The following RPN1 variants were observed in gnomAD, a reference collection of about 807,000 sequenced individuals.
The protein encoded by RPN1 is ribophorin I, also known as dolichyl-diphosphooligosaccharide--protein glycosyltransferase subunit 1.
Under a neutral mutation model 55.5 loss-of-function variants are expected in RPN1, and 12 were observed. The observed-to-expected ratio is 0.22, with a 90% CI of 0.14 to 0.35. The LOEUF is 0.35. Ranked by LOEUF, RPN1 falls within the 10% of genes least tolerant of loss-of-function variation. The pLI is 1.00. For synonymous variants in RPN1, 317 were observed against 305.9 expected, an observed-to-expected ratio of 1.04 and a Z score of -0.38; for missense variants, 679 against 761.3, an observed-to-expected ratio of 0.89 and a Z score of 1.27.
rs760997520 is a variant in RPN1, at chr3:128,632,098, G to A, written c.693C>T (p.Thr231=). Residue 231 remains threonine (T), a synonymous_variant, in exon 4 of 10, where the codon ACC becomes ACT. Coordinates refer to ENST00000296255, the MANE Select transcript of RPN1 (RefSeq NM_002950.4). ...CCCAGTGAGAGACTTCAATGACTCG[G>A]GTCATGCTGGTGATGGTCAGGAAAG... ...NSPFLTITSM[T]RVIEVSHWGN... is the part of the protein sequence containing the mutation. The A allele has an allele frequency of 6.2e-6, 10 of 1,614,148 alleles. No individual in the cohort carries two copies. In the South Asian group the frequency reaches 8.8e-5, roughly 14 times the overall value.
At chr3:128,629,930 C>G (rs773793936) in intron 5 of RPN1, 21 bp downstream of exon 5, 1 of 1,391,876 alleles carries the variant, frequency 7.2e-7, no homozygotes, top group East Asian at 2.3e-5. Flanking sequence ...GTTAGTTTCT[C>G]CCTTACTATT....
At chr3:128,647,552 C>A (rs557721172) in intron 1 of RPN1, among the ~76,000 whole-genome samples, 3 of 151,976 alleles carry the variant, frequency 2.0e-5, no homozygotes, top group African/African-American at 7.2e-5. Flanking sequence ...ATTAGCCAGG[C>A]GTAGTGGTGC....
At chr3:128,636,865 G>T (rs909297016) in intron 3 of RPN1, among the ~76,000 whole-genome samples, 16 of 152,146 alleles carry the variant, frequency 1.1e-4, no homozygotes, top group African/African-American at 3.6e-4. Context: ...AATCTTAAAC[G>T]TCTAAAATAC....
chr3:128,625,863 G>T lies in RPN1; in HGVS notation c.1275+11C>A. The stretch of plus-strand genomic sequence containing the variant: ...AAGACGCCATGGAAGGCAAACAGTG[G>T]AGCCACTCACCACAATGTCCTGAAT... On this transcript the variant is annotated intron_variant, in intron 7 of 9. Coordinates refer to ENST00000296255, the MANE Select transcript of RPN1 (RefSeq NM_002950.4). 1 of 1,604,956 alleles carries T rather than the reference G, an allele frequency of 6.2e-7. No individual in the cohort carries two copies. The highest frequency in any genetic ancestry group is 1.1e-5 in the South Asian group (1 of 89,462).
chr3:128,640,120 C>T (rs2069714204), intron 2 of RPN1, among the ~76,000 whole-genome samples: 1 of 151,582 alleles, frequency 6.6e-6, no homozygotes, highest in Non-Finnish European at 1.5e-5. Context: ...TGCAGTGAGC[C>T]GAGATTGTGC....
In RPN1 at chr3:128,645,953, A is replaced by G. The variant is rs1159102123; in HGVS notation, c.262-970T>C. ...GAAATGTATTTAGTGATGTAATAGAAAAGTCTCAGGGCTGGGCGCAGTGGC... is the reference window on the plus strand; with the variant it reads ...GAAATGTATTTAGTGATGTAATAGAGAAGTCTCAGGGCTGGGCGCAGTGGC... On this transcript the variant is annotated intron_variant, in intron 1 of 9. Coordinates refer to ENST00000296255, the MANE Select transcript of RPN1 (RefSeq NM_002950.4). Among the ~76,000 whole-genome samples the G allele has an allele frequency of 2.6e-5, 4 of 152,268 alleles. 1 individual carries two copies. The South Asian group carries it at 6.2e-4, about 24-fold the overall frequency.
At chr3:128,639,476 G>T (rs943681104) in intron 2 of RPN1, among the ~76,000 whole-genome samples, 1 of 141,294 alleles carries the variant, frequency 7.1e-6, no homozygotes, top group African/African-American at 2.6e-5. Context: ...AAAAAAAAAT[G>T]AATGAATGTA....
At chr3:128,639,234 C>A (rs576648826) in intron 2 of RPN1, among the ~76,000 whole-genome samples, 1 of 152,014 alleles carries the variant, frequency 6.6e-6, no homozygotes, top group African/African-American at 2.4e-5. Flanking sequence ...GGGTGGATCA[C>A]GAGGTCAGGA....
intron 3 of RPN1, among the ~76,000 whole-genome samples, chr3:128,632,902 G>A (rs1366968906): frequency 2.0e-5 from 3 of 151,950 alleles, no homozygotes; most frequent in Admixed American, 6.6e-5. Context: ...GCAAGCCATC[G>A]TGCCCAGCCC....
At position 128,620,284 on chromosome 3, in the gene RPN1, T is replaced by C. The variant is rs964219832; in HGVS notation, c.*127A>G. ...TGCCTGACGCAGGGCCTGGTTTCTC[T>C]TCCTTGAAGGCCTTTTACAGATGTC... is the stretch of plus-strand genomic sequence containing the variant. On this transcript the variant is annotated 3_prime_UTR_variant, in exon 10 of 10. Transcript: ENST00000296255. The C allele has an allele frequency of 1.2e-5, 8 of 694,070 alleles. No individual in the cohort carries two copies. Among genetic ancestry groups the C allele is most frequent in the African/African-American group, 9.2e-5 (5 of 54,596 alleles). 43.0% of individuals were successfully genotyped at this position (694,070 alleles called of 1,614,324 possible).
At chr3:128,621,964 C>T (rs1427451847) in intron 9 of RPN1, among the ~76,000 whole-genome samples, 200 bp downstream of exon 9, 1 of 152,218 alleles carries the variant, frequency 6.6e-6, no homozygotes, top group Non-Finnish European at 1.5e-5. Context: ...AGAGCTTCCT[C>T]CACACCCAGC....
At chr3:128,625,421 G>A (rs941395913) in intron 8 of RPN1, 113 bp downstream of exon 8, 1 of 1,513,778 alleles carries the variant, frequency 6.6e-7, no homozygotes, top group African/African-American at 1.4e-5. Flanking sequence ...GCACAGGCAG[G>A]GGTCTTTTGG....
At chr3:128,634,303 G>C (rs1162255745) in intron 3 of RPN1, among the ~76,000 whole-genome samples, 2 of 151,708 alleles carry the variant, frequency 1.3e-5, no homozygotes, top group Non-Finnish European at 2.9e-5. Flanking sequence ...ACTCCAGCCT[G>C]GGCGAGAGTA....
At chr3:128,649,185 A>G (rs2069793669) in intron 1 of RPN1, among the ~76,000 whole-genome samples, 1 of 152,224 alleles carries the variant, frequency 6.6e-6, no homozygotes, top group African/African-American at 2.4e-5. Context: ...GAATATACTA[A>G]TAATAGGCAG....
intron 4 of RPN1, among the ~76,000 whole-genome samples, chr3:128,631,195 C>T (rs6789546): frequency 0.26 from 39,478 of 151,444 alleles, 5,263 homozygotes; most frequent in African/African-American, 0.28. Flanking sequence ...CCAAGGCGGC[C>T]GGGCGCGGTG....
At chr3:128,621,109 G>A (rs763919196) in intron 9 of RPN1, among the ~76,000 whole-genome samples, 9 of 152,174 alleles carry the variant, frequency 5.9e-5, no homozygotes, top group East Asian at 1.9e-4. Flanking sequence ...CATGGCGCGC[G>A]GCACAATTCT....
intron 1 of RPN1, among the ~76,000 whole-genome samples, chr3:128,650,220 G>T (rs1340993035): frequency 6.6e-6 from 1 of 152,202 alleles, no homozygotes; most frequent in East Asian, 1.9e-4. Context: ...GCCCAAACAG[G>T]GGCAAGCTCC....
intron 5 of RPN1, among the ~76,000 whole-genome samples, chr3:128,629,575 A>G (rs555642719): frequency 6.6e-6 from 1 of 152,210 alleles, no homozygotes; most frequent in South Asian, 2.1e-4. Flanking sequence ...AAAAAGAAAG[A>G]CTTGAAAGAA....
chr3:128,634,476 C>T (rs1199009605), intron 3 of RPN1, among the ~76,000 whole-genome samples: 2 of 151,758 alleles, frequency 1.3e-5, no homozygotes, highest in East Asian at 1.9e-4. Flanking sequence ...TGCTTAGACA[C>T]GACTCAGGTA....
Sources: allele counts gnomAD v4.1 joint callset (sites outside exome capture counted in the v4.1 genomes callset), GRCh38; gene constraint gnomAD v4.1.1; transcripts MANE v1.5; gene names NCBI Gene and HGNC (gene_info 2026-07-23, HGNC 2026-07-21).